GRM8: variants seen among roughly 807,000 people sequenced by gnomAD.
GRM8 encodes the protein glutamate metabotropic receptor 8.
In GRM8, 47 loss-of-function variants were observed where a neutral mutation model predicts 87.2. The observed-to-expected ratio is 0.54, with a 90% CI of 0.43 to 0.69. GRM8 has a LOEUF of 0.69. GRM8 is among the 30% of genes least tolerant of loss of function. The pLI is 0.00. For missense variants in GRM8, 1,019 were observed against 1,139.2 expected (o/e 0.89, Z 1.52); for synonymous variants, 396 against 404.5 (o/e 0.98, Z 0.25).
At chr7:126,627,690 AC>A (rs1299493003) in intron 7 of GRM8, among the ~76,000 whole-genome samples, 3 of 152,106 alleles carry the variant, frequency 2.0e-5, no homozygotes, top group Non-Finnish European at 4.4e-5. Context: ...TTTTATGTGC[AC>A]TTTTCATCAG....
At chr7:126,661,060 ATAGT>A (rs1356139543) in intron 7 of GRM8, among the ~76,000 whole-genome samples, 16 of 152,352 alleles carry the variant, frequency 1.1e-4, no homozygotes, top group African/African-American at 3.4e-4. Flanking sequence ...GGTTAAAAAA[ATAGT>A]TAGAAAGAAT....
intron 3 of GRM8, among the ~76,000 whole-genome samples, chr7:127,050,455 C>A (rs752056780): frequency 6.6e-6 from 1 of 152,150 alleles, no homozygotes; most frequent in Non-Finnish European, 1.5e-5. Flanking sequence ...TTCTCCCTAC[C>A]AACCTGAATT....
chr7:126,667,161 C>T (rs932060787), intron 7 of GRM8, among the ~76,000 whole-genome samples: 5 of 152,082 alleles, frequency 3.3e-5, no homozygotes, highest in Non-Finnish European at 4.4e-5. Context: ...TTTGCAATAA[C>T]CAGAGATGTA....
rs542820117 is a variant in GRM8 at position 126,661,152 on chromosome 7, T to C, written c.1358-51654A>G. Among the ~76,000 whole-genome samples the C allele has an allele frequency of 3.3e-5, 5 of 152,348 alleles. No individual in the cohort carries two copies. The South Asian group carries it at 1.0e-3, about 32-fold the overall frequency. On this transcript the variant is annotated intron_variant, in intron 7 of 10. Coordinates refer to ENST00000339582, the MANE Select transcript of GRM8 (RefSeq NM_000845.3). The stretch of plus-strand genomic sequence containing the variant: ...CTTAATTTACATTTTACTAACATTT[T>C]ACTAAAAGAGTGTAATCGGATTGTT...
chr7:127,122,610 G>GA (rs1314677732), intron 2 of GRM8, among the ~76,000 whole-genome samples: 6 of 150,640 alleles, frequency 4.0e-5, no homozygotes, highest in Admixed American at 4.0e-4. Context: ...TTAATTCTAA[G>GA]AAAAAAAATG....
chr7:126,731,784 A>G (rs1422064764), intron 7 of GRM8, among the ~76,000 whole-genome samples: 1 of 152,086 alleles, frequency 6.6e-6, no homozygotes, highest in Non-Finnish European at 1.5e-5. Flanking sequence ...CAATGAGACT[A>G]TATCATTTTA....
chr7:126,771,709 G>A (rs999602314), intron 6 of GRM8, among the ~76,000 whole-genome samples: 2 of 151,878 alleles, frequency 1.3e-5, no homozygotes, highest in African/African-American at 4.8e-5. Context: ...ATTTCCAATG[G>A]CCTACCATAT....
intron 3 of GRM8, among the ~76,000 whole-genome samples, chr7:126,942,054 G>A (rs563054230): frequency 6.6e-6 from 1 of 152,274 alleles, no homozygotes; most frequent in African/African-American, 2.4e-5. Context: ...TCATGAATTG[G>A]GTAGTGAATT....
chr7:126,726,990 C>A (rs1472885707), intron 7 of GRM8, among the ~76,000 whole-genome samples: 1 of 151,962 alleles, frequency 6.6e-6, no homozygotes, highest in Admixed American at 6.6e-5. Flanking sequence ...AAATAAAATT[C>A]ACCCAAAGTA....
chr7:126,727,185 T>C (rs1201855681), intron 7 of GRM8, among the ~76,000 whole-genome samples: 1 of 151,828 alleles, frequency 6.6e-6, no homozygotes, highest in Non-Finnish European at 1.5e-5. Context: ...TATTAATATA[T>C]ATCAATATAT....
intron 3 of GRM8, among the ~76,000 whole-genome samples, chr7:127,098,113 C>T (rs2132988589): frequency 1.3e-5 from 2 of 152,344 alleles, no homozygotes; most frequent in South Asian, 4.1e-4. Context: ...GCAATTTCCT[C>T]AGCCCTCCTT....
chr7:126,817,655 A>G (rs917773016), intron 6 of GRM8, among the ~76,000 whole-genome samples: 3 of 152,048 alleles, frequency 2.0e-5, no homozygotes, highest in African/African-American at 7.2e-5. Flanking sequence ...CTCTAAACAC[A>G]TCCTAACCAC....
At chr7:126,752,858 C>T (rs887818934) in intron 7 of GRM8, among the ~76,000 whole-genome samples, 2 of 151,938 alleles carry the variant, frequency 1.3e-5, no homozygotes, top group South Asian at 4.2e-4. Context: ...CTAATTAGTC[C>T]CACTCTCCTC....
chr7:126,714,942 G>T (rs1026505806), intron 7 of GRM8, among the ~76,000 whole-genome samples: 2 of 152,014 alleles, frequency 1.3e-5, no homozygotes, highest in Admixed American at 6.6e-5. Flanking sequence ...TGTATTTATC[G>T]ATATCATAAG....
chr7:127,201,766 A>T (rs1392716138), intron 2 of GRM8, among the ~76,000 whole-genome samples: 1 of 152,224 alleles, frequency 6.6e-6, no homozygotes, highest in Admixed American at 6.5e-5. Flanking sequence ...GAGTACCAAT[A>T]GGGTGAAGTC....
At chr7:127,211,653 T>G (rs1376284673) in intron 2 of GRM8, among the ~76,000 whole-genome samples, 1 of 152,178 alleles carries the variant, frequency 6.6e-6, no homozygotes, top group African/African-American at 2.4e-5. Context: ...CCTTCATGGC[T>G]GGGATTACTG....
intron 7 of GRM8, among the ~76,000 whole-genome samples, chr7:126,705,169 T>A (rs780920850): frequency 6.6e-6 from 1 of 152,088 alleles, no homozygotes; most frequent in Non-Finnish European, 1.5e-5. Context: ...CGGGGGCAGG[T>A]TCCCCAATAA....
At chr7:126,787,546 GA>G (rs1820748624) in intron 6 of GRM8, among the ~76,000 whole-genome samples, 1 of 152,100 alleles carries the variant, frequency 6.6e-6, no homozygotes, top group African/African-American at 2.4e-5. Context: ...AAATACATGT[GA>G]AAAATATTAT....
chr7:126,819,689 G>A (rs1177773914), intron 6 of GRM8, among the ~76,000 whole-genome samples: 1 of 151,878 alleles, frequency 6.6e-6, no homozygotes, highest in Non-Finnish European at 1.5e-5. Flanking sequence ...TAAGACCTTA[G>A]CTCGTTCAAT....
Sources: allele counts gnomAD v4.1 joint callset (sites outside exome capture counted in the v4.1 genomes callset), GRCh38; gene constraint gnomAD v4.1.1; transcripts MANE v1.5; gene names NCBI Gene and HGNC (gene_info 2026-07-23, HGNC 2026-07-21).